CDKAL1: variants seen among roughly 807,000 people sequenced by gnomAD.
CDKAL1 encodes CDKAL1 threonylcarbamoyladenosine tRNA methylthiotransferase, also known as threonylcarbamoyladenosine tRNA methylthiotransferase.
In CDKAL1, 32 loss-of-function variants were observed where a neutral mutation model predicts 68.2. That is an observed-to-expected ratio of 0.47 (90% CI 0.35 to 0.63). CDKAL1 has a LOEUF of 0.63. Ranked by LOEUF, CDKAL1 falls within the 30% of genes least tolerant of loss-of-function variation. CDKAL1 has a pLI of 0.00. For synonymous variants in CDKAL1, 234 were observed against 244.3 expected (o/e 0.96, Z 0.39); for missense variants, 606 against 696.7 (o/e 0.87, Z 1.47).
intron 10 of CDKAL1, among the ~76,000 whole-genome samples, chr6:20,996,846 TG>T (rs1473456490): frequency 6.6e-6 from 1 of 152,236 alleles, no homozygotes; most frequent in Admixed American, 6.5e-5. Flanking sequence ...GATGTATGCC[TG>T]TACTTATGTA....
intron 4 of CDKAL1, among the ~76,000 whole-genome samples, chr6:20,623,225 A>T (rs998959891): frequency 6.6e-6 from 1 of 152,104 alleles, no homozygotes; most frequent in Non-Finnish European, 1.5e-5. Context: ...TAAAGAGCTT[A>T]ACTAAAGTTG....
intron 4 of CDKAL1, among the ~76,000 whole-genome samples, chr6:20,569,287 G>C (rs1049978054): frequency 6.6e-6 from 1 of 152,130 alleles, no homozygotes; most frequent in Non-Finnish European, 1.5e-5. Flanking sequence ...TGATTCATGG[G>C]CACTGTAAGT....
At chr6:20,563,115 C>G (rs534346565) in intron 4 of CDKAL1, among the ~76,000 whole-genome samples, 1 of 152,220 alleles carries the variant, frequency 6.6e-6, no homozygotes, top group South Asian at 2.1e-4. Context: ...GTGTTTTAAC[C>G]ATGATCTTCA....
intron 10 of CDKAL1, among the ~76,000 whole-genome samples, chr6:20,983,338 T>C (rs2150778668): frequency 6.6e-6 from 1 of 152,294 alleles, no homozygotes; most frequent in Non-Finnish European, 1.5e-5. Context: ...ATTTCTGACA[T>C]AACCAAACTG....
chr6:21,222,503 A>G (rs1267573818), intron 15 of CDKAL1, among the ~76,000 whole-genome samples: 2 of 152,238 alleles, frequency 1.3e-5, no homozygotes, highest in African/African-American at 2.4e-5. Flanking sequence ...CTGATGGACT[A>G]TGCATACAAC....
chr6:20,907,177 A>T lies in CDKAL1; in HGVS notation c.743-48242A>T, dbSNP rs541223418. On this transcript the variant is annotated intron_variant, in intron 9 of 15. Transcript: ENST00000274695. ...TTGGTGATGGTTGCACAACAATATG[A>T]ATCATTCAATATGTCTTAACTGTAT... Among the ~76,000 whole-genome samples, 8 of 152,306 alleles carry T rather than the reference A, an allele frequency of 5.3e-5. No individual in the cohort carries two copies. The East Asian group carries it at 1.5e-3, about 29-fold the overall frequency.
intron 7 of CDKAL1, among the ~76,000 whole-genome samples, chr6:20,764,236 C>T (rs1031395903): frequency 2.0e-4 from 31 of 152,098 alleles, no homozygotes; most frequent in African/African-American, 6.0e-4. Flanking sequence ...ATAAATTTTA[C>T]CTATCGACAT....
At chr6:20,863,618 A>G (rs1466798376) in intron 9 of CDKAL1, among the ~76,000 whole-genome samples, 3 of 152,214 alleles carry the variant, frequency 2.0e-5, no homozygotes, top group African/African-American at 7.2e-5. Flanking sequence ...GGAATACCCA[A>G]CTAGCACCCA....
At chr6:21,143,105 T>A (rs148775370) in intron 13 of CDKAL1, among the ~76,000 whole-genome samples, 42 of 152,334 alleles carry the variant, frequency 2.8e-4, no homozygotes, top group Non-Finnish European at 4.7e-4. Context: ...GTAGGGAACG[T>A]AGTTAATTTG....
In CDKAL1 at chr6:20,769,766, A is replaced by C. The variant is rs145069815; in HGVS notation, c.517+11123A>C. Among the ~76,000 whole-genome samples the C allele has an allele frequency of 5.3e-3, 801 of 152,280 alleles. 5 individuals carry two copies. Among genetic ancestry groups the C allele is most frequent in the African/African-American group, 0.019 (773 of 41,562 alleles). Reference sequence around the variant, plus strand: ...TAGTAACTGTAATTAACTTCTGTCTAGCTCTTTGTGGCTTACCATTTTCAT... The same window carrying C: ...TAGTAACTGTAATTAACTTCTGTCTCGCTCTTTGTGGCTTACCATTTTCAT... On this transcript the variant is annotated intron_variant, in intron 7 of 15. Transcript: ENST00000274695.
intron 4 of CDKAL1, among the ~76,000 whole-genome samples, chr6:20,638,853 C>T (rs753799967): frequency 2.0e-4 from 30 of 151,974 alleles, no homozygotes; most frequent in East Asian, 9.7e-4. Context: ...ATGATGGTCT[C>T]GATCTCTTGA....
chr6:21,179,298 CTCATTA>C lies in CDKAL1; in HGVS notation c.1300-18716_1300-18711del, dbSNP rs1250692569. On this transcript the variant is annotated intron_variant, in intron 13 of 15. Transcript: ENST00000274695. ...AAAACAAATTACCCCAAATCAACAA[CTCATTA>C]TCATTACAGGGTTTACTTGTTCGCA... 2.7e-4 allele frequency among the ~76,000 whole-genome samples: 41 copies of C among 152,302 alleles called. No homozygotes were observed. In the East Asian group the frequency reaches 7.5e-3, roughly 28 times the overall value.
In CDKAL1 at chr6:21,042,257, C is replaced by T. The variant is rs562056336; in HGVS notation, c.1056-22791C>T. ...ATATTTTAACTGTACACCCCCATTT[C>T]CCACCCACCCTACTCCACCACCATA... On this transcript the variant is annotated intron_variant, in intron 11 of 15. Coordinates refer to ENST00000274695, the MANE Select transcript of CDKAL1 (RefSeq NM_017774.3). Among the ~76,000 whole-genome samples the T allele has an allele frequency of 4.8e-5, 7 of 144,748 alleles. No homozygotes were observed. In the East Asian group the frequency reaches 1.6e-3, roughly 33 times the overall value. The allele number at this position is 144,748 out of a possible 152,430, so 95.0% of individuals were successfully genotyped here.
chr6:20,985,660 C>A (rs988385339), intron 10 of CDKAL1, among the ~76,000 whole-genome samples: 2 of 152,108 alleles, frequency 1.3e-5, no homozygotes, highest in Admixed American at 1.3e-4. Context: ...TGGCTCACAC[C>A]TGTAATCCCA....
intron 13 of CDKAL1, among the ~76,000 whole-genome samples, chr6:21,189,902 T>G (rs796169048): frequency 1.3e-5 from 2 of 152,336 alleles, no homozygotes; most frequent in Admixed American, 6.5e-5. Context: ...GTGCTCTGCC[T>G]GTTGTGAATG....
At chr6:21,080,598 A>T (rs923369933) in intron 12 of CDKAL1, among the ~76,000 whole-genome samples, 2 of 152,174 alleles carry the variant, frequency 1.3e-5, no homozygotes, top group Non-Finnish European at 2.9e-5. Context: ...CCTCTGTACT[A>T]TCACTGTTCC....
intron 11 of CDKAL1, among the ~76,000 whole-genome samples, chr6:21,031,077 C>A (rs1769258115): frequency 6.6e-6 from 1 of 152,046 alleles, no homozygotes; most frequent in Non-Finnish European, 1.5e-5. Context: ...TCTCACTGGG[C>A]TGAAGTCAAG....
At chr6:20,925,121 C>T (rs1763129097) in intron 9 of CDKAL1, among the ~76,000 whole-genome samples, 1 of 152,208 alleles carries the variant, frequency 6.6e-6, no homozygotes, top group Non-Finnish European at 1.5e-5. Context: ...TCACCAACCA[C>T]CACCTTGATC....
chr6:21,089,422 A>C (rs1347744836), intron 12 of CDKAL1, among the ~76,000 whole-genome samples: 1 of 152,210 alleles, frequency 6.6e-6, no homozygotes, highest in African/African-American at 2.4e-5. Flanking sequence ...GGCTGCAGTA[A>C]GCTGTGATCC....
Sources: allele counts gnomAD v4.1 joint callset (sites outside exome capture counted in the v4.1 genomes callset), GRCh38; gene constraint gnomAD v4.1.1; transcripts MANE v1.5; gene names NCBI Gene and HGNC (gene_info 2026-07-23, HGNC 2026-07-21).